Variants in CREBBP observed in about 807,000 individuals in gnomAD.
CREBBP encodes the protein CREB binding lysine acetyltransferase, also known as CREB-binding protein.
Under a neutral mutation model 265.0 loss-of-function variants are expected in CREBBP, and 19 were observed. The observed-to-expected ratio is 0.07, with a 90% CI of 0.05 to 0.11. CREBBP has a LOEUF of 0.11. Ranked by LOEUF, CREBBP falls within the 10% of genes least tolerant of loss-of-function variation. The pLI, the probability that CREBBP is intolerant of heterozygous loss-of-function variation, is 1.00. For missense variants in CREBBP, 2,525 were observed against 3,219.0 expected (o/e 0.78, Z 5.22); for synonymous variants, 1,457 against 1,223.7 (o/e 1.19, Z -3.98).
In CREBBP at chr16:3,778,892, C is replaced by A. The variant is rs183701762; in HGVS notation, c.1824-75G>T. On this transcript the variant is annotated intron_variant, in intron 8 of 30. Coordinates refer to ENST00000262367, the MANE Select transcript of CREBBP (RefSeq NM_004380.3). ...TTAAAGACATGGGGTTTCGTCCAGG[C>A]GCGGTGGCTCACGCTTGTAATCCCA... is the stretch of plus-strand genomic sequence containing the variant. 28 of 1,280,842 alleles carry A rather than the reference C, an allele frequency of 2.2e-5. No individual in the cohort carries two copies. In the East Asian group the frequency reaches 6.6e-4, roughly 30 times the overall value. 79.3% of individuals were successfully genotyped at this position (1,280,842 alleles called of 1,614,324 possible). A position where few individuals can be genotyped will look rare whatever the true frequency, so the allele number is the denominator to read the frequency against.
At chr16:3,869,684 T>C (rs2055253293) in intron 1 of CREBBP, among the ~76,000 whole-genome samples, 1 of 152,180 alleles carries the variant, frequency 6.6e-6, no homozygotes, top group African/African-American at 2.4e-5. Context: ...GTGGTTCCAG[T>C]ACTGTGTCAT....
chr16:3,879,797 C>T (rs749097221), intron 1 of CREBBP, 35 bp downstream of exon 1: 6 of 1,546,228 alleles, frequency 3.9e-6, no homozygotes, highest in Non-Finnish European at 5.3e-6. Context: ...TGACAGCGCG[C>T]CCCGGGCCCC....
At chr16:3,777,708 T>C (rs764784152) in intron 10 of CREBBP, 51 bp from the exon 11 acceptor site, 2 of 1,597,530 alleles carry the variant, frequency 1.3e-6, no homozygotes, top group Admixed American at 1.7e-5. Flanking sequence ...TTATTTAATA[T>C]AATCCTTGAT....
chr16:3,736,803 C>T lies in CREBBP; in HGVS notation c.4407G>A (p.Gly1469=), dbSNP rs573818190. The T allele has an allele frequency of 6.2e-7, 1 of 1,614,132 alleles. No individual in the cohort carries two copies. The highest frequency in any genetic ancestry group is 2.2e-5 in the East Asian group (1 of 44,880). Reference sequence around the variant, plus strand: ...CACTTGGAGGACAGGCCCAGATGTGCCCTGTCACATACCTGCAGGACCCAC... The same window carrying T: ...CACTTGGAGGACAGGCCCAGATGTGTCCTGTCACATACCTGCAGGACCCAC... ...EYVKKLGYVT[G]HIWACPPSEG... The change falls in exon 27 of 31, where the codon GGG becomes GGA. Residue 1469 remains glycine, a synonymous_variant. Transcript: ENST00000262367.
At chr16:3,811,763 G>A (rs1446294540) in intron 2 of CREBBP, among the ~76,000 whole-genome samples, 1 of 152,068 alleles carries the variant, frequency 6.6e-6, no homozygotes, top group Non-Finnish European at 1.5e-5. Context: ...CAAAGTGCTC[G>A]GATTACAGGC....
intron 2 of CREBBP, chr16:3,813,190 G>A (rs953553360): frequency 1.8e-5 from 4 of 228,088 alleles, no homozygotes; most frequent in Non-Finnish European, 2.6e-5. Context: ...CATTTCATAC[G>A]CAGGTGATTT....
At position 3,870,099 on chromosome 16, in the gene CREBBP, A is replaced by G. The variant is rs562692991; in HGVS notation, c.85+9733T>C. On this transcript the variant is annotated intron_variant, in intron 1 of 30. Coordinates refer to ENST00000262367, the MANE Select transcript of CREBBP (RefSeq NM_004380.3). The stretch of plus-strand genomic sequence containing the variant: ...ATCAGATTTAAGTAAAGATATCCAC[A>G]AATCGGGGAAAAATTTTGTCCACCA... Among the ~76,000 whole-genome samples the G allele has an allele frequency of 3.3e-5, 5 of 152,340 alleles. No homozygotes were observed. In the East Asian group the frequency reaches 9.6e-4, roughly 29 times the overall value.
At chr16:3,776,470 C>T (rs565792054) in intron 11 of CREBBP, among the ~76,000 whole-genome samples, 11 of 152,308 alleles carry the variant, frequency 7.2e-5, no homozygotes, top group African/African-American at 2.6e-4. Context: ...GACACCCCAA[C>T]CTGGCACAGG....
At chr16:3,833,281 G>T (rs145323423) in intron 2 of CREBBP, among the ~76,000 whole-genome samples, 1 of 152,184 alleles carries the variant, frequency 6.6e-6, no homozygotes, top group African/African-American at 2.4e-5. Context: ...GTGTGGTGGC[G>T]CAAGCCTGTA....
At chr16:3,871,084 GAAAGAAAGAAAGAAA>G (rs1021776406) in intron 1 of CREBBP, among the ~76,000 whole-genome samples, 11 of 148,104 alleles carry the variant, frequency 7.4e-5, no homozygotes, top group African/African-American at 2.0e-4. Context: ...AAGGAAAAGA[GAAAGAAAGAAAGAAA>G]AAAGAAAGAA....
chr16:3,750,932 A>C (rs1401494448), intron 20 of CREBBP, among the ~76,000 whole-genome samples: 4 of 152,218 alleles, frequency 2.6e-5, no homozygotes, highest in Non-Finnish European at 4.4e-5. Flanking sequence ...CTGGTTTCTC[A>C]GGTATAACTG....
chr16:3,797,044 G>C (rs1567321041), intron 3 of CREBBP, among the ~76,000 whole-genome samples: 1 of 152,172 alleles, frequency 6.6e-6, no homozygotes, highest in Non-Finnish European at 1.5e-5. Context: ...ATGAGAGTTA[G>C]ATGTGAACTG....
At chr16:3,844,128 A>C (rs2054619232) in intron 2 of CREBBP, among the ~76,000 whole-genome samples, 3 of 140,940 alleles carry the variant, frequency 2.1e-5, no homozygotes, top group African/African-American at 8.0e-5. Flanking sequence ...AGCCTGGGCG[A>C]CAGAGCGAGA....
intron 20 of CREBBP, among the ~76,000 whole-genome samples, chr16:3,750,209 C>A (rs116172280): frequency 5.6e-4 from 86 of 152,226 alleles, no homozygotes; most frequent in African/African-American, 1.9e-3. Context: ...CACTATGTTG[C>A]TCAGGCAACA....
chr16:3,853,578 CCAGCCTGGATGA>C (rs1308578234), intron 1 of CREBBP, among the ~76,000 whole-genome samples: 1 of 151,818 alleles, frequency 6.6e-6, no homozygotes, highest in Non-Finnish European at 1.5e-5. Context: ...CCACTGCACT[CCAGCCTGGATGA>C]CAGCCTGGGA....
chr16:3,797,882 A>C lies in CREBBP; in HGVS notation c.976-4256T>G, dbSNP rs140201916. 5.3e-5 allele frequency among the ~76,000 whole-genome samples: 8 copies of C among 152,340 alleles called. No individual in the cohort carries two copies. The East Asian group carries it at 9.6e-4, about 18-fold the overall frequency. ...GAGGATGAGAAAGCCTTCTTAACATAAACACATAATGGAGTTTAAAAAGTG... is the reference window on the plus strand; with the variant it reads ...GAGGATGAGAAAGCCTTCTTAACATCAACACATAATGGAGTTTAAAAAGTG... On this transcript the variant is annotated intron_variant, in intron 3 of 30. Coordinates refer to ENST00000262367, the MANE Select transcript of CREBBP (RefSeq NM_004380.3).
At chr16:3,824,060 C>T (rs1339528387) in intron 2 of CREBBP, among the ~76,000 whole-genome samples, 1 of 152,170 alleles carries the variant, frequency 6.6e-6, no homozygotes, top group Non-Finnish European at 1.5e-5. Flanking sequence ...GTGACACACA[C>T]AGGGCCACGT....
intron 1 of CREBBP, among the ~76,000 whole-genome samples, chr16:3,875,452 C>A (rs1213312758): frequency 6.6e-6 from 1 of 152,124 alleles, no homozygotes; most frequent in African/African-American, 2.4e-5. Flanking sequence ...GAACACGAGC[C>A]CACACACGTC....
chr16:3,745,753 A>G (rs1421182231), intron 21 of CREBBP: 2 of 338,574 alleles, frequency 5.9e-6, no homozygotes, highest in African/African-American at 4.3e-5. Flanking sequence ...AGAGAACAAT[A>G]CTTTGAGTTC....
Sources: allele counts gnomAD v4.1 joint callset (sites outside exome capture counted in the v4.1 genomes callset), GRCh38; gene constraint gnomAD v4.1.1; transcripts MANE v1.5; gene names NCBI Gene and HGNC (gene_info 2026-07-23, HGNC 2026-07-21).